NCKAP5: variants seen among roughly 807,000 people sequenced by gnomAD.
The protein encoded by NCKAP5 is NCK associated protein 5.
Under a neutral mutation model 167.0 loss-of-function variants are expected in NCKAP5, and 92 were observed. That is an observed-to-expected ratio of 0.55 (90% confidence interval 0.47 to 0.66). The LOEUF is 0.66. NCKAP5 is among the 30% of genes least tolerant of loss of function. The pLI is 0.00. For missense variants in NCKAP5, 2,378 were observed against 2,315.0 expected (o/e 1.03, Z -0.56); for synonymous variants, 891 against 877.4 (o/e 1.02, Z -0.27).
intron 19 of NCKAP5, among the ~76,000 whole-genome samples, chr2:132,695,839 T>C (rs1471164596): frequency 6.6e-6 from 1 of 152,204 alleles, no homozygotes; most frequent in Non-Finnish European, 1.5e-5. Context: ...TCTCTGATGA[T>C]CTATTGTTTT....
At chr2:133,305,886 T>C (rs114972444) in intron 3 of NCKAP5, among the ~76,000 whole-genome samples, 1 of 152,340 alleles carries the variant, frequency 6.6e-6, no homozygotes, top group Non-Finnish European at 1.5e-5. Context: ...TTTATTAAGG[T>C]ATTGCCTCAA....
At chr2:132,984,076 G>C (rs568534885) in intron 7 of NCKAP5, among the ~76,000 whole-genome samples, 3 of 152,274 alleles carry the variant, frequency 2.0e-5, no homozygotes, top group African/African-American at 7.2e-5. Context: ...GAGCAACATA[G>C]TGAGACTCTC....
intron 3 of NCKAP5, among the ~76,000 whole-genome samples, chr2:133,375,141 G>A (rs1040031717): frequency 6.6e-6 from 1 of 152,164 alleles, no homozygotes; most frequent in Non-Finnish European, 1.5e-5. Context: ...AAATTCCCCT[G>A]TTCCAACTTC....
At chr2:133,470,241 C>T (rs887486170) in intron 3 of NCKAP5, among the ~76,000 whole-genome samples, 4 of 152,066 alleles carry the variant, frequency 2.6e-5, no homozygotes, top group African/African-American at 9.7e-5. Flanking sequence ...ACAGGACCCT[C>T]AGCTGCAGGT....
intron 19 of NCKAP5, among the ~76,000 whole-genome samples, chr2:132,714,415 C>T (rs963604154): frequency 6.6e-6 from 1 of 152,120 alleles, no homozygotes; most frequent in African/African-American, 2.4e-5. Flanking sequence ...GAAGCTTTGC[C>T]ACATCTAATG....
the NCKAP5 span, among the ~76,000 whole-genome samples, chr2:133,637,953 T>C: frequency 6.6e-6 from 1 of 152,160 alleles, no homozygotes; most frequent in Non-Finnish European, 1.5e-5. Flanking sequence ...GACAAATGTA[T>C]AACCTTAAAA....
chr2:132,706,879 A>G (rs1688404604), intron 19 of NCKAP5, among the ~76,000 whole-genome samples: 1 of 152,158 alleles, frequency 6.6e-6, no homozygotes, highest in Non-Finnish European at 1.5e-5. Flanking sequence ...GAAAAAAAGA[A>G]TGGCATATTA....
intron 4 of NCKAP5, among the ~76,000 whole-genome samples, chr2:133,221,964 G>A (rs1170225868): frequency 6.6e-6 from 1 of 152,100 alleles, no homozygotes; most frequent in Non-Finnish European, 1.5e-5. Flanking sequence ...AGAGATACTG[G>A]ACCTATTTTA....
At chr2:132,878,264 C>A (rs1426841868) in intron 9 of NCKAP5, among the ~76,000 whole-genome samples, 1 of 152,184 alleles carries the variant, frequency 6.6e-6, no homozygotes, top group Non-Finnish European at 1.5e-5. Context: ...TAATATTTAT[C>A]CAGTTTACTC....
intron 2 of NCKAP5, among the ~76,000 whole-genome samples, chr2:133,532,122 T>C (rs1216636594): frequency 6.6e-6 from 1 of 152,266 alleles, no homozygotes; most frequent in East Asian, 1.9e-4. Flanking sequence ...TTGTAATTGT[T>C]TTTCACTTAA....
intron 5 of NCKAP5, among the ~76,000 whole-genome samples, chr2:133,208,038 T>C (rs2086034054): frequency 1.3e-5 from 2 of 152,090 alleles, no homozygotes; most frequent in Non-Finnish European, 2.9e-5. Flanking sequence ...CCAAGATTCA[T>C]CTCAACAGTG....
intron 7 of NCKAP5, among the ~76,000 whole-genome samples, chr2:132,976,563 C>CAAAAAA (rs1169178217): frequency 7.7e-5 from 4 of 51,688 alleles, no homozygotes; most frequent in Non-Finnish European, 1.8e-4. Flanking sequence ...GACTCCATCT[C>CAAAAAA]AAAAAAAAAA....
chr2:133,665,493 A>G, the NCKAP5 span, among the ~76,000 whole-genome samples: 2 of 152,246 alleles, frequency 1.3e-5, no homozygotes, highest in Non-Finnish European at 2.9e-5. Flanking sequence ...CTATATGGGC[A>G]TAGTCTGTGA....
At chr2:133,341,081 C>T (rs1055393138) in intron 3 of NCKAP5, among the ~76,000 whole-genome samples, 4 of 152,110 alleles carry the variant, frequency 2.6e-5, no homozygotes, top group African/African-American at 7.2e-5. Context: ...ATTCTATTTA[C>T]CTGTGAATGA....
intron 11 of NCKAP5, among the ~76,000 whole-genome samples, chr2:132,847,279 A>T (rs1006459027): frequency 2.0e-5 from 3 of 152,216 alleles, no homozygotes; most frequent in Non-Finnish European, 4.4e-5. Context: ...AGTGCAATAC[A>T]TTGTACTAAG....
At chr2:133,116,040 T>G (rs1035384860) in intron 6 of NCKAP5, among the ~76,000 whole-genome samples, 1 of 151,804 alleles carries the variant, frequency 6.6e-6, no homozygotes, top group Non-Finnish European at 1.5e-5. Flanking sequence ...CAAATTTAAC[T>G]GAAGATCAAT....
At chr2:133,047,305 C>T (rs1226858557) in intron 6 of NCKAP5, among the ~76,000 whole-genome samples, 1 of 152,322 alleles carries the variant, frequency 6.6e-6, no homozygotes, top group Non-Finnish European at 1.5e-5. Context: ...CCCCTGGGCT[C>T]GACCCCACAG....
intron 6 of NCKAP5, among the ~76,000 whole-genome samples, chr2:132,996,402 C>G (rs919755393): frequency 6.6e-6 from 1 of 152,124 alleles, no homozygotes; most frequent in African/African-American, 2.4e-5. Context: ...GTAAAGGAAA[C>G]ACACCCATTC....
chr2:133,572,693 C>T (rs1345289669), upstream of NCKAP5, among the ~76,000 whole-genome samples: 1 of 152,196 alleles, frequency 6.6e-6, no homozygotes, highest in African/African-American at 2.4e-5. Context: ...GCCATCCAGT[C>T]TGCTCTGTAA....
Sources: gnomAD v4.1 joint callset for allele counts (sites outside exome capture counted in the v4.1 genomes callset) on GRCh38, gnomAD v4.1.1 for gene constraint, MANE v1.5 for transcripts, NCBI Gene and HGNC (gene_info 2026-07-23, HGNC 2026-07-21) for gene names.